SPOCK1: variants seen among roughly 807,000 people sequenced by gnomAD.
SPOCK1 encodes the protein testican-1.
SPOCK1 carries 23 observed loss-of-function variants against 55.3 expected under a neutral mutation model. That is an observed-to-expected ratio of 0.42 (90% CI 0.30 to 0.59). SPOCK1 has a LOEUF of 0.59. Among genes scored for constraint, SPOCK1 ranks in the 20% least tolerant of loss-of-function variants. SPOCK1 has a pLI of 0.22. For synonymous variants in SPOCK1, 226 were observed against 221.0 expected, an observed-to-expected ratio of 1.02 and a Z score of -0.20; for missense variants, 499 against 552.5, an observed-to-expected ratio of 0.90 and a Z score of 0.97.
At chr5:137,180,418 A>T (rs1346532930) in intron 3 of SPOCK1, among the ~76,000 whole-genome samples, 1 of 152,162 alleles carries the variant, frequency 6.6e-6, no homozygotes. Flanking sequence ...AGCATCAGAC[A>T]CATCACCTGA....
intron 5 of SPOCK1, among the ~76,000 whole-genome samples, chr5:137,111,481 C>T (rs748276495): frequency 6.6e-6 from 1 of 152,206 alleles, no homozygotes; most frequent in Non-Finnish European, 1.5e-5. Context: ...CACCCATACA[C>T]TGGCTCCTTT....
chr5:137,090,457 G>C (rs1474998786), intron 5 of SPOCK1, among the ~76,000 whole-genome samples: 1 of 152,150 alleles, frequency 6.6e-6, no homozygotes, highest in Non-Finnish European at 1.5e-5. Flanking sequence ...ACTGTTCAGG[G>C]AACAACCAAC....
chr5:137,361,029 G>A (rs1203467237), intron 2 of SPOCK1, among the ~76,000 whole-genome samples: 2 of 152,186 alleles, frequency 1.3e-5, no homozygotes, highest in Non-Finnish European at 2.9e-5. Flanking sequence ...GAGGTAATTA[G>A]GTTTAGATGA....
At chr5:136,990,493 A>ATCTT (rs1750928128) in intron 7 of SPOCK1, among the ~76,000 whole-genome samples, 1 of 151,682 alleles carries the variant, frequency 6.6e-6, no homozygotes, top group Admixed American at 6.6e-5. Flanking sequence ...AAAACATAAA[A>ATCTT]TCTTTCCATT....
intron 3 of SPOCK1, among the ~76,000 whole-genome samples, chr5:137,193,903 G>A (rs73304853): frequency 0.19 from 28,958 of 152,164 alleles, 3,097 homozygotes; most frequent in East Asian, 0.36. Context: ...TCCCCTTTAA[G>A]GATATGTTAG....
At chr5:137,070,244 T>C (rs2127007542) in intron 5 of SPOCK1, among the ~76,000 whole-genome samples, 1 of 152,334 alleles carries the variant, frequency 6.6e-6, no homozygotes, top group Middle Eastern at 3.4e-3. Context: ...TGAAGTGTTC[T>C]GAACAGAGCC....
chr5:137,204,632 A>AGGGCAAGTTG (rs1561470891), intron 3 of SPOCK1, among the ~76,000 whole-genome samples: 36 of 151,142 alleles, frequency 2.4e-4, no homozygotes, highest in African/African-American at 8.6e-4. Flanking sequence ...TCTAGCACTT[A>AGGGCAAGTTG]CCCCTAGGGC....
intron 2 of SPOCK1, among the ~76,000 whole-genome samples, chr5:137,428,516 C>G (rs1752680853): frequency 6.6e-6 from 1 of 152,214 alleles, no homozygotes. Context: ...CTTCCTTTCA[C>G]TGTTTGTGTC....
intron 9 of SPOCK1, among the ~76,000 whole-genome samples, chr5:136,980,921 G>T (rs956208570): frequency 2.0e-5 from 3 of 152,074 alleles, no homozygotes; most frequent in Admixed American, 1.3e-4. Flanking sequence ...GTAGCATTTT[G>T]ATTAATTTCC....
At chr5:137,319,288 T>C (rs1429350625) in intron 2 of SPOCK1, among the ~76,000 whole-genome samples, 1 of 152,228 alleles carries the variant, frequency 6.6e-6, no homozygotes, top group Non-Finnish European at 1.5e-5. Context: ...AATTCAATGA[T>C]GAATATTTCC....
At chr5:137,062,683 G>C (rs1459873783) in intron 6 of SPOCK1, among the ~76,000 whole-genome samples, 1 of 151,682 alleles carries the variant, frequency 6.6e-6, no homozygotes, top group Non-Finnish European at 1.5e-5. Context: ...GGGGCTGACT[G>C]TTGGGTCCTA....
rs867717941 is a variant in SPOCK1, at chr5:137,133,959, G to A, written c.347+6621C>T. Reference sequence around the variant, plus strand: ...GGCCAGGAGCAGATGGGCTGGGGGTGGGGGGGGTAGCGGGGGGTGGCAGTT... The same window carrying A: ...GGCCAGGAGCAGATGGGCTGGGGGTAGGGGGGGTAGCGGGGGGTGGCAGTT... On this transcript the variant is annotated intron_variant, in intron 4 of 10. Transcript: ENST00000394945. Among the ~76,000 whole-genome samples, 153 of 150,620 alleles carry A rather than the reference G, an allele frequency of 1.0e-3. 4 individuals carry two copies. The Middle Eastern group carries it at 0.024, about 24-fold the overall frequency.
intron 2 of SPOCK1, among the ~76,000 whole-genome samples, chr5:137,356,838 T>TATATATATATATAGAGAGAGAG (rs1554077335): frequency 1.8e-4 from 1 of 5,462 alleles, no homozygotes; most frequent in Non-Finnish European, 3.1e-4. Flanking sequence ...TATATATATA[T>TATATATATATATAGAGAGAGAG]AGAGAGAGAG....
intron 5 of SPOCK1, among the ~76,000 whole-genome samples, chr5:137,083,378 C>T (rs1423789108): frequency 6.6e-6 from 1 of 152,192 alleles, no homozygotes; most frequent in African/African-American, 2.4e-5. Flanking sequence ...TCTTCCCTGG[C>T]TCCAGCCTTA....
intron 3 of SPOCK1, among the ~76,000 whole-genome samples, chr5:137,225,794 G>C (rs1224262354): frequency 6.6e-6 from 1 of 152,206 alleles, no homozygotes; most frequent in African/African-American, 2.4e-5. Context: ...ACATTTTGAG[G>C]ACAACTGTGC....
At chr5:137,397,467 G>A (rs1345868069) in intron 2 of SPOCK1, among the ~76,000 whole-genome samples, 2 of 152,176 alleles carry the variant, frequency 1.3e-5, no homozygotes, top group Non-Finnish European at 2.9e-5. Context: ...TAAGGACAGA[G>A]ATCAAGTCTG....
chr5:137,014,016 T>C (rs1160571379), intron 6 of SPOCK1, among the ~76,000 whole-genome samples: 3 of 152,174 alleles, frequency 2.0e-5, no homozygotes, highest in Admixed American at 6.5e-5. Context: ...CTATGTTGAA[T>C]TGCAATCCCC....
chr5:137,468,249 A>G (rs934749616), intron 2 of SPOCK1, among the ~76,000 whole-genome samples: 1 of 152,226 alleles, frequency 6.6e-6, no homozygotes, highest in Non-Finnish European at 1.5e-5. Flanking sequence ...GAGGGCTGCC[A>G]ATACATGGCA....
chr5:136,982,878 T>TGTCA (rs1457572588), intron 9 of SPOCK1, among the ~76,000 whole-genome samples: 4 of 151,880 alleles, frequency 2.6e-5, no homozygotes, highest in African/African-American at 9.7e-5. Context: ...AGAGTACCTC[T>TGTCA]GTCATCACAC....
Sources: gnomAD v4.1 joint callset for allele counts (sites outside exome capture counted in the v4.1 genomes callset) on GRCh38, gnomAD v4.1.1 for gene constraint, MANE v1.5 for transcripts, NCBI Gene and HGNC (gene_info 2026-07-23, HGNC 2026-07-21) for gene names.